The following FBXL13 variants were observed in gnomAD, a reference collection of about 807,000 sequenced individuals.
FBXL13 encodes the protein F-box and leucine rich repeat protein 13.
In FBXL13, 67 loss-of-function variants were observed where a neutral mutation model predicts 83.6. That is an observed-to-expected ratio of 0.80 (90% CI 0.66 to 0.98). The LOEUF is 0.98. Among genes scored for constraint, FBXL13 ranks in the 50% least tolerant of loss-of-function variants. FBXL13 has a pLI of 0.00. For missense variants in FBXL13, 822 were observed against 866.5 expected (o/e 0.95, Z 0.64); for synonymous variants, 272 against 299.5 (o/e 0.91, Z 0.95).
At chr7:103,024,462 G>GGTTGCA (rs974008786) in intron 6 of FBXL13, among the ~76,000 whole-genome samples, 2 of 147,506 alleles carry the variant, frequency 1.4e-5, no homozygotes, top group South Asian at 2.2e-4. Context: ...AGGAGGCGGA[G>GGTTGCA]GTTGCAGTGA....
chr7:102,829,581 G>A (rs979604045), intron 18 of FBXL13, among the ~76,000 whole-genome samples: 4 of 152,162 alleles, frequency 2.6e-5, no homozygotes, highest in Non-Finnish European at 5.9e-5. Context: ...ACAGGGCCTA[G>A]TGCACTGCTG....
At chr7:103,073,121 C>T (rs1324453028) in intron 1 of FBXL13, among the ~76,000 whole-genome samples, 1 of 152,200 alleles carries the variant, frequency 6.6e-6, no homozygotes, top group Non-Finnish European at 1.5e-5. Context: ...TTAGAATTCT[C>T]CATCTTTTCC....
intron 6 of FBXL13, among the ~76,000 whole-genome samples, chr7:102,991,799 G>T (rs975496980): frequency 2.0e-5 from 3 of 152,190 alleles, no homozygotes; most frequent in East Asian, 1.9e-4. Context: ...AACATTGTAT[G>T]ATATGGAAAG....
chr7:102,864,659 G>A (rs6977145), intron 16 of FBXL13, among the ~76,000 whole-genome samples: 28,944 of 152,000 alleles, frequency 0.19, 3,017 homozygotes, highest in East Asian at 0.43. Context: ...GTGAGCCACC[G>A]CACCCAGCCA....
At chr7:102,908,737 C>G (rs1814160541) in intron 11 of FBXL13, among the ~76,000 whole-genome samples, 1 of 152,246 alleles carries the variant, frequency 6.6e-6, no homozygotes, top group Non-Finnish European at 1.5e-5. Context: ...GTTCTCTTCC[C>G]TTCTGTTTCC....
intron 2 of FBXL13, among the ~76,000 whole-genome samples, chr7:103,052,979 G>C (rs911198018): frequency 6.7e-6 from 1 of 150,066 alleles, no homozygotes; most frequent in Non-Finnish European, 1.5e-5. Flanking sequence ...CTGGTCTCAA[G>C]CTCCTGACCT....
intron 1 of FBXL13, among the ~76,000 whole-genome samples, chr7:103,061,530 G>C (rs908627356): frequency 1.3e-5 from 2 of 152,164 alleles, no homozygotes; most frequent in Non-Finnish European, 2.9e-5. Flanking sequence ...CCAGCAAAAT[G>C]AGTTAGTGTA....
chr7:102,876,606 G>A (rs979175552), intron 16 of FBXL13, among the ~76,000 whole-genome samples: 5 of 152,190 alleles, frequency 3.3e-5, no homozygotes, highest in African/African-American at 1.2e-4. Flanking sequence ...AAATAGAAAC[G>A]GTTCATGTTA....
chr7:102,883,473 T>C lies in FBXL13; in HGVS notation c.1226-6A>G. On this transcript the variant is annotated splice_region_variant and splice_polypyrimidine_tract_variant and intron_variant, in intron 13 of 19. Transcript: ENST00000313221. ...ATCAGTAACCCTTTTATTTCCTGTT[T>C]TTAAAAAACAGAAGAAAAGACAAGT... is the stretch of plus-strand genomic sequence containing the variant. The C allele has an allele frequency of 6.2e-7, 1 of 1,604,018 alleles. No individual in the cohort carries two copies. The highest frequency in any genetic ancestry group is 2.2e-5 in the East Asian group (1 of 44,742).
At chr7:102,822,295 AC>A in intron 18 of FBXL13, 92 bp from the exon 20 acceptor site, 1 of 1,177,106 alleles carries the variant, frequency 8.5e-7, no homozygotes, top group Non-Finnish European at 1.3e-6. Context: ...ATAATAAACT[AC>A]CACAGACTGT....
intron 6 of FBXL13, among the ~76,000 whole-genome samples, chr7:103,020,788 A>T (rs1793065842): frequency 6.6e-6 from 1 of 152,228 alleles, no homozygotes; most frequent in Non-Finnish European, 1.5e-5. Context: ...AATGTGAAGG[A>T]CCTCTTCGAG....
At chr7:102,997,772 A>G (rs1204898283) in intron 6 of FBXL13, among the ~76,000 whole-genome samples, 1 of 152,204 alleles carries the variant, frequency 6.6e-6, no homozygotes, top group Non-Finnish European at 1.5e-5. Context: ...ATGCCTAATC[A>G]TATTCCATTG....
chr7:102,821,222 G>A (rs977570929), intron 19 of FBXL13, among the ~76,000 whole-genome samples: 1 of 152,092 alleles, frequency 6.6e-6, no homozygotes, highest in Non-Finnish European at 1.5e-5. Context: ...GACCTATCAG[G>A]AAGGGTTGAG....
At chr7:102,950,894 G>A (rs910089867) in intron 8 of FBXL13, among the ~76,000 whole-genome samples, 4 of 152,004 alleles carry the variant, frequency 2.6e-5, no homozygotes, top group African/African-American at 9.7e-5. Context: ...GATTCCTAGG[G>A]GAATGAAACT....
chr7:102,845,889 C>T (rs1562984637), intron 17 of FBXL13, among the ~76,000 whole-genome samples: 2 of 152,212 alleles, frequency 1.3e-5, no homozygotes, highest in African/African-American at 4.8e-5. Flanking sequence ...CTCCCATAGC[C>T]TCCTACATAC....
intron 8 of FBXL13, among the ~76,000 whole-genome samples, chr7:102,935,251 T>C (rs1424535085): frequency 1.4e-4 from 6 of 42,778 alleles, no homozygotes; most frequent in East Asian, 5.5e-4. Flanking sequence ...TCTTTTTTTT[T>C]TTTTTTTTTT....
Position 102,822,212 on chromosome 7 carries a change from A to G in FBXL13, c.1855-9T>C, listed in dbSNP as rs774647258. 3.7e-6 allele frequency: 6 copies of G among 1,613,796 alleles called. No individual in the cohort carries two copies. Among genetic ancestry groups the G allele is most frequent in the Admixed American group, 3.3e-5 (2 of 60,032 alleles). On this transcript the variant is annotated splice_polypyrimidine_tract_variant and intron_variant, in intron 18 of 19. Coordinates refer to ENST00000313221, the Ensembl canonical transcript of FBXL13. The stretch of plus-strand genomic sequence containing the variant: ...ATTGCTGAGTCAGTAATCTGAACAC[A>G]GAGCCAAAGTAAGTACTGGTTATTC...
Position 102,860,479 on chromosome 7 carries a change from T to C in FBXL13, c.1636-5619A>G, listed in dbSNP as rs115027962. On this transcript the variant is annotated intron_variant, in intron 16 of 19. Coordinates refer to ENST00000313221, the Ensembl canonical transcript of FBXL13. ...ACTTCATGTGCAAAGTGTGAGTTGTTGGGAAGTAGTTCAGTTTGGGGTCAC... is the reference window on the plus strand; with the variant it reads ...ACTTCATGTGCAAAGTGTGAGTTGTCGGGAAGTAGTTCAGTTTGGGGTCAC... 9.7e-4 allele frequency among the ~76,000 whole-genome samples: 148 copies of C among 152,286 alleles called. 2 individuals are homozygous for C. Among genetic ancestry groups the C allele is most frequent in the African/African-American group, 3.5e-3 (144 of 41,574 alleles).
intron 6 of FBXL13, among the ~76,000 whole-genome samples, chr7:102,985,688 G>T (rs1828858463): frequency 6.6e-6 from 1 of 152,148 alleles, no homozygotes; most frequent in Non-Finnish European, 1.5e-5. Flanking sequence ...TTATGCTAAG[G>T]TTGAGATTAG....
Sources: allele counts gnomAD v4.1 joint callset (sites outside exome capture counted in the v4.1 genomes callset), GRCh38; gene constraint gnomAD v4.1.1; transcripts MANE v1.5; gene names NCBI Gene and HGNC (gene_info 2026-07-23, HGNC 2026-07-21).